Variants in NIPA2 observed in about 807,000 individuals in gnomAD.
The protein encoded by NIPA2 is magnesium transporter NIPA2.
NIPA2 carries 11 observed loss-of-function variants against 29.7 expected under a neutral mutation model. The ratio of observed to expected loss-of-function variants is 0.37; its 90% confidence interval spans 0.23 to 0.61. The LOEUF is 0.61. Among genes scored for constraint, NIPA2 ranks in the 20% least tolerant of loss-of-function variants. The pLI, the probability that NIPA2 is intolerant of heterozygous loss-of-function variation, is 0.66. For synonymous variants in NIPA2, 183 were observed against 161.9 expected (o/e 1.13, Z -0.99); for missense variants, 426 against 437.9 (o/e 0.97, Z 0.24).
chr15:22,856,695 C>G (rs984905943), intron 5 of NIPA2, among the ~76,000 whole-genome samples: 6 of 152,110 alleles, frequency 3.9e-5, no homozygotes, highest in Admixed American at 2.0e-4. Context: ...ACTTTAACAG[C>G]TACTTCCCTA....
chr15:22,850,481 A>G (rs376099675), intron 3 of NIPA2, among the ~76,000 whole-genome samples: 1 of 152,206 alleles, frequency 6.6e-6, no homozygotes, highest in African/African-American at 2.4e-5. Flanking sequence ...GGGCAAATCA[A>G]AAACATTGGA....
chr15:22,849,402 T>C (rs553072954), intron 3 of NIPA2, among the ~76,000 whole-genome samples: 2 of 150,028 alleles, frequency 1.3e-5, no homozygotes, highest in South Asian at 2.1e-4. Context: ...TCTTGCCTTA[T>C]GAATGGCACA....
intron 5 of NIPA2, among the ~76,000 whole-genome samples, chr15:22,855,664 C>T (rs1036603602): frequency 6.6e-6 from 1 of 151,926 alleles, no homozygotes. Flanking sequence ...GGAGTGAAGT[C>T]GGAAGGAGTG....
chr15:22,856,343 T>A (rs2058177444), intron 5 of NIPA2, among the ~76,000 whole-genome samples: 2 of 151,956 alleles, frequency 1.3e-5, no homozygotes, highest in South Asian at 2.1e-4. Context: ...TTAAAAAAAA[T>A]AGAAGATTGT....
At chr15:22,862,792 T>C (rs1422981594) in intron 7 of NIPA2, among the ~76,000 whole-genome samples, 8 of 152,126 alleles carry the variant, frequency 5.3e-5, no homozygotes, top group African/African-American at 1.7e-4. Context: ...TCAGAGAGAA[T>C]GTAAATTTCT....
rs1180189062 is a variant in NIPA2, at chr15:22,867,581, G to GGT, written c.*734_*735insGT. On this transcript the variant is annotated 3_prime_UTR_variant, in exon 8 of 8. Coordinates refer to ENST00000337451, the MANE Select transcript of NIPA2 (RefSeq NM_030922.7). ...CATGATGCCTGGAACCTTGATTACC[G>GGT]TTTTACATCAGCTCTTGTACTTTTC... 3.0e-3 allele frequency: 565 copies of GGT among 188,304 alleles called. 3 individuals are homozygous for GGT. Among genetic ancestry groups the GGT allele is most frequent in the African/African-American group, 0.012 (538 of 43,112 alleles). The allele number at this position is 188,304 out of a possible 1,614,324, so 11.7% of individuals were successfully genotyped here.
chr15:22,851,191 G>A (rs956550261), intron 3 of NIPA2, among the ~76,000 whole-genome samples: 1 of 152,096 alleles, frequency 6.6e-6, no homozygotes, highest in Non-Finnish European at 1.5e-5. Flanking sequence ...AAATAAATTA[G>A]CATATGCTTA....
At position 22,851,826 on chromosome 15, in the gene NIPA2, A is replaced by G. The variant is rs1226433563; in HGVS notation, c.95A>G (p.Lys32Arg). Residue 32 changes from lysine (K) to arginine (R), a missense_variant, in exon 4 of 8, where the codon AAA becomes AGA. Physicochemically the swap from Lys to Arg is conservative, Grantham distance 26. Transcript: ENST00000337451. ...ATTGGAGGAAGTTTCATTTTGAAAAAAAAGGGCCTCCTTCGACTTGCCAGG... is the reference window on the plus strand; with the variant it reads ...ATTGGAGGAAGTTTCATTTTGAAAAGAAAGGGCCTCCTTCGACTTGCCAGG... ...IFIGGSFILK[K>R]KGLLRLARKG... 1 of 1,613,894 alleles carries G rather than the reference A, an allele frequency of 6.2e-7. No individual in the cohort carries two copies. The highest frequency in any genetic ancestry group is 8.5e-7 in the Non-Finnish European group (1 of 1,179,874).
Position 22,866,969 on chromosome 15 carries a change from T to A in NIPA2, c.*122T>A. 1.0e-6 allele frequency: 1 copy of A among 983,748 alleles called. No individual in the cohort carries two copies. The highest frequency in any genetic ancestry group is 1.5e-6 in the Non-Finnish European group (1 of 683,648). 60.9% of individuals were successfully genotyped at this position (983,748 alleles called of 1,614,324 possible). ...TTTAAAGGCAATCTTTTTAAAGATTTCACTAATTTGGACCAAGAAATTACT... is the reference window on the plus strand; with the variant it reads ...TTTAAAGGCAATCTTTTTAAAGATTACACTAATTTGGACCAAGAAATTACT... On this transcript the variant is annotated 3_prime_UTR_variant, in exon 8 of 8. Coordinates refer to ENST00000337451, the MANE Select transcript of NIPA2 (RefSeq NM_030922.7).
At chr15:22,851,272 A>C (rs2057719319) in intron 3 of NIPA2, among the ~76,000 whole-genome samples, 1 of 152,204 alleles carries the variant, frequency 6.6e-6, no homozygotes, top group African/African-American at 2.4e-5. Context: ...GATTATTCAA[A>C]AGGACACATT....
intron 6 of NIPA2, 56 bp downstream of exon 6, chr15:22,858,686 T>G: frequency 9.6e-7 from 1 of 1,042,568 alleles, no homozygotes. Context: ...TTCTAAAATA[T>G]TCAGTACCAT....
At chr15:22,851,981 A>G in intron 4 of NIPA2, 111 bp downstream of exon 4, 1 of 916,670 alleles carries the variant, frequency 1.1e-6, no homozygotes, top group South Asian at 1.8e-5. Context: ...GAAACTTTGA[A>G]TTGTTCAAGA....
At chr15:22,840,204 GCCAC>G (rs1263530342) in intron 2 of NIPA2, among the ~76,000 whole-genome samples, 3 of 151,918 alleles carry the variant, frequency 2.0e-5, no homozygotes, top group Admixed American at 2.0e-4. Context: ...ACAGGTGTGA[GCCAC>G]CGAGCCGGGC....
intron 6 of NIPA2, among the ~76,000 whole-genome samples, chr15:22,859,299 T>C (rs1242624714): frequency 1.4e-5 from 2 of 145,490 alleles, no homozygotes; most frequent in African/African-American, 2.5e-5. Context: ...TCTTTTTTTT[T>C]TTTTTTTTTT....
In NIPA2 at chr15:22,846,840, A is replaced by AATAATAATT. The variant is rs1555380236; in HGVS notation, c.-94+1575_-94+1576insAATAATTAT. On this transcript the variant is annotated intron_variant, in intron 3 of 7. Transcript: ENST00000337451. Reference sequence around the variant, plus strand: ...CCAAAATAATAATAATAATAATAATAATTATTATTATTATTATTTAAATTT... The same window carrying AATAATAATT: ...CCAAAATAATAATAATAATAATAATAATAATAATTATTATTATTATTATTATTTAAATTT... Among the ~76,000 whole-genome samples, 1,297 of 134,930 alleles carry AATAATAATT rather than the reference A, an allele frequency of 9.6e-3. 16 individuals are homozygous for AATAATAATT. Among genetic ancestry groups the AATAATAATT allele is most frequent in the African/African-American group, 0.032 (1,135 of 35,916 alleles). 88.5% of individuals were successfully genotyped at this position (134,930 alleles called of 152,430 possible).
Position 22,867,489 on chromosome 15 carries a change from C to T in NIPA2, c.*642C>T, listed in dbSNP as rs910372729. The T allele has an allele frequency of 2.9e-5, 9 of 305,440 alleles. No individual in the cohort carries two copies. Among genetic ancestry groups the T allele is most frequent in the Middle Eastern group, 8.6e-4 (1 of 1,162 alleles). The allele number at this position is 305,440 out of a possible 1,614,324, so 18.9% of individuals were successfully genotyped here. On this transcript the variant is annotated 3_prime_UTR_variant, in exon 8 of 8. Transcript: ENST00000337451. ...TGAGCATTCGATGGCCTTAGCACCT[C>T]ATCAAGCCAGCACATCCTGCCTGCT... is the stretch of plus-strand genomic sequence containing the variant.
chr15:22,845,951 T>C (rs553356451), intron 3 of NIPA2, among the ~76,000 whole-genome samples: 9 of 152,310 alleles, frequency 5.9e-5, no homozygotes, highest in African/African-American at 1.9e-4. Context: ...AAATCTCATA[T>C]GATAGCCTTA....
chr15:22,847,151 C>G lies in NIPA2; in HGVS notation c.-94+1884C>G, dbSNP rs1898975491. Among the ~76,000 whole-genome samples, 6 of 151,974 alleles carry G rather than the reference C, an allele frequency of 3.9e-5. No homozygotes were observed. The South Asian group carries it at 1.2e-3, about 32-fold the overall frequency. ...GAACTCCCGACCTCAGGTGATCTGC[C>G]CGCTTCTTCCTCCCAAAGTGCTGGG... is the stretch of plus-strand genomic sequence containing the variant. On this transcript the variant is annotated intron_variant, in intron 3 of 7. Transcript: ENST00000337451.
chr15:22,867,355 A>AAGTT lies in NIPA2; in HGVS notation c.*510_*513dup. The AAGTT allele has an allele frequency of 2.5e-6, 1 of 394,640 alleles. No homozygotes were observed. The highest frequency in any genetic ancestry group is 4.5e-6 in the Non-Finnish European group (1 of 224,064). The allele number at this position is 394,640 out of a possible 1,614,324, so 24.4% of individuals were successfully genotyped here. A position where few individuals can be genotyped will look rare whatever the true frequency, so the allele number is the denominator to read the frequency against. On this transcript the variant is annotated 3_prime_UTR_variant, in exon 8 of 8. Coordinates refer to ENST00000337451, the MANE Select transcript of NIPA2 (RefSeq NM_030922.7). ...TTGAAATATTTATTAAGGGAAAACT[A>AAGTT]AGTTACTGAATGAAGGAACCTCTTT...
Sources: allele counts gnomAD v4.1 joint callset (sites outside exome capture counted in the v4.1 genomes callset), GRCh38; gene constraint gnomAD v4.1.1; transcripts MANE v1.5; gene names NCBI Gene and HGNC (gene_info 2026-07-23, HGNC 2026-07-21).